NT5DC3: variants seen among roughly 807,000 people sequenced by gnomAD.
NT5DC3 encodes 5'-nucleotidase domain-containing protein 3.
In NT5DC3, 42 loss-of-function variants were observed where a neutral mutation model predicts 67.8. The ratio of observed to expected loss-of-function variants is 0.62; its 90% confidence interval spans 0.48 to 0.80. The LOEUF (loss-of-function observed/expected upper bound fraction) is 0.80. Among genes scored for constraint, NT5DC3 ranks in the 30% least tolerant of loss-of-function variants. NT5DC3 has a pLI of 0.00. For missense variants in NT5DC3, 570 were observed against 696.4 expected (o/e 0.82, Z 2.04); for synonymous variants, 237 against 255.6 (o/e 0.93, Z 0.69).
the NT5DC3 span, among the ~76,000 whole-genome samples, chr12:103,762,630 G>T: frequency 6.6e-6 from 1 of 152,326 alleles, no homozygotes; most frequent in Non-Finnish European, 1.5e-5. Context: ...GGCTGAGACA[G>T]GGCTTGGCAA....
chr12:103,780,420 G>T, intron 12 of NT5DC3, 56 bp from the exon 13 acceptor site: 1 of 1,521,382 alleles, frequency 6.6e-7, no homozygotes, highest in South Asian at 1.1e-5. Flanking sequence ...AGCTCATTAC[G>T]TAATGAGAAT....
chr12:103,817,035 C>CAAAAAAAA (rs1887290824), intron 1 of NT5DC3, among the ~76,000 whole-genome samples: 1 of 113,000 alleles, frequency 8.8e-6, no homozygotes, highest in African/African-American at 3.2e-5. Context: ...TCCATAACAG[C>CAAAAAAAA]AAAAAGAAAA....
rs1885291410 is a variant in NT5DC3 at position 103,774,855 on chromosome 12, C to T, written c.*2974G>A. 6.6e-6 allele frequency: 1 copy of T among 151,076 alleles called. No homozygotes were observed. The highest frequency in any genetic ancestry group is 1.5e-5 in the Non-Finnish European group (1 of 67,798). The allele number at this position is 151,076 out of a possible 1,614,324, so 9.4% of individuals were successfully genotyped here. ...TGAAACCCCATCTCTATTAAAACTA[C>T]AAAACTTGGCCAGGCCTGGTGGCAT... On this transcript the variant is annotated 3_prime_UTR_variant, in exon 14 of 14. Coordinates refer to ENST00000392876, the MANE Select transcript of NT5DC3 (RefSeq NM_001031701.3).
intron 2 of NT5DC3, among the ~76,000 whole-genome samples, chr12:103,811,436 G>A (rs946736935): frequency 6.6e-6 from 1 of 152,022 alleles, no homozygotes; most frequent in Non-Finnish European, 1.5e-5. Flanking sequence ...ACTATGATGG[G>A]ATGAAAACCA....
the NT5DC3 span, among the ~76,000 whole-genome samples, chr12:103,758,890 C>T: frequency 6.6e-6 from 1 of 152,186 alleles, no homozygotes; most frequent in African/African-American, 2.4e-5. Context: ...CCTCAAGACA[C>T]CGCTGGAAAG....
intron 11 of NT5DC3, among the ~76,000 whole-genome samples, chr12:103,787,237 C>T (rs1308289773): frequency 6.7e-6 from 1 of 148,468 alleles, no homozygotes; most frequent in East Asian, 2.0e-4. Flanking sequence ...TTTTTCACAA[C>T]TCTGATCCAT....
At chr12:103,778,120 T>A in intron 13 of NT5DC3, 39 bp from the exon 14 acceptor site, 1 of 1,548,614 alleles carries the variant, frequency 6.5e-7, no homozygotes. Context: ...CAGAGAATGA[T>A]TCAAAAATCC....
chr12:103,787,517 T>C lies in NT5DC3; in HGVS notation c.1112A>G (p.Tyr371Cys), dbSNP rs765994837. The change falls in exon 11 of 14, where the codon TAT (tyrosine) becomes TGT (cysteine). Residue 371 changes from tyrosine to cysteine, a missense_variant. Tyr to Cys is a radical substitution (Grantham distance 194). Around this residue, in one of 2 missense-constraint regions of NT5DC3, gnomAD observed 466 missense variants for 608.0 expected, o/e 0.77. Coordinates refer to ENST00000392876, the MANE Select transcript of NT5DC3 (RefSeq NM_001031701.3). ...CCATCCAGTAAGCTTCAAAAATTCATATAAATTACCCTGTAATCAGAGAAA... is the reference window on the plus strand; with the variant it reads ...CCATCCAGTAAGCTTCAAAAATTCACATAAATTACCCTGTAATCAGAGAAA... ...KGQIYKQGNL[Y>C]EFLKLTGWRG... is the part of the protein sequence containing the mutation. 1.3e-6 allele frequency: 2 copies of C among 1,585,668 alleles called. No individual in the cohort carries two copies. The highest frequency in any genetic ancestry group is 2.2e-5 in the East Asian group (1 of 44,610).
In NT5DC3 at chr12:103,841,069, C is replaced by G. The variant is rs900660383; in HGVS notation, c.88G>C (p.Ala30Pro). 4.7e-5 allele frequency: 59 copies of G among 1,262,484 alleles called. No individual in the cohort carries two copies. The highest frequency in any genetic ancestry group is 5.9e-5 in the Non-Finnish European group (59 of 1,007,142). 78.2% of individuals were successfully genotyped at this position (1,262,484 alleles called of 1,614,324 possible). Residue 30 changes from alanine to proline, a missense_variant, in exon 1 of 14, where the codon GCG becomes CCG. Physicochemically the swap from Ala to Pro is conservative, Grantham distance 27. This residue lies in a region of NT5DC3 where 104 missense variants were observed against 88.4 expected (regional missense o/e 1.18). Coordinates refer to ENST00000392876, the MANE Select transcript of NT5DC3 (RefSeq NM_001031701.3). ...CCCGCACACGGCCGCCCCCGAGCCG[C>G]GGTCCCGCAGCCACCCCGCAAAGCC... The part of the protein sequence containing the change: ...AAALRGGCGT[A>P]ARGRPCAGPA...
intron 1 of NT5DC3, among the ~76,000 whole-genome samples, chr12:103,833,838 C>T (rs1309810875): frequency 6.6e-6 from 1 of 152,098 alleles, no homozygotes; most frequent in Non-Finnish European, 1.5e-5. Context: ...GATGAGCACA[C>T]CTGGAAGGCC....
the NT5DC3 span, chr12:103,759,116 T>C: frequency 5.6e-6 from 9 of 1,614,002 alleles, no homozygotes; most frequent in African/African-American, 6.7e-5. Context: ...CATTCTGTGT[T>C]TCTCCTTTTT....
chr12:103,786,106 A>C (rs1274500089), intron 11 of NT5DC3, among the ~76,000 whole-genome samples: 1 of 152,156 alleles, frequency 6.6e-6, no homozygotes, highest in Non-Finnish European at 1.5e-5. Context: ...AATACTGAGG[A>C]TAAAACAATG....
chr12:103,749,120 G>T, the NT5DC3 span: 2 of 1,610,008 alleles, frequency 1.2e-6, no homozygotes, highest in Non-Finnish European at 1.7e-6. Context: ...TTAACGGAGG[G>T]TGTCACGAGC....
At chr12:103,812,188 G>A (rs1272076159) in intron 2 of NT5DC3, among the ~76,000 whole-genome samples, 1 of 152,140 alleles carries the variant, frequency 6.6e-6, no homozygotes, top group African/African-American at 2.4e-5. Context: ...TTTTTGGAGA[G>A]ATACTAAATT....
intron 12 of NT5DC3, among the ~76,000 whole-genome samples, chr12:103,784,359 A>G (rs1023858127): frequency 3.3e-5 from 5 of 152,208 alleles, no homozygotes; most frequent in African/African-American, 1.2e-4. Flanking sequence ...GCCCAGGGGG[A>G]CGTGCAGGGC....
chr12:103,764,227 A>G, the NT5DC3 span, among the ~76,000 whole-genome samples: 1 of 152,254 alleles, frequency 6.6e-6, no homozygotes, highest in African/African-American at 2.4e-5. Flanking sequence ...TGCTGGGATT[A>G]CAGGCGTGAG....
rs1487610966 is a variant in NT5DC3 at position 103,777,793 on chromosome 12, T to C, written c.*36A>G. On this transcript the variant is annotated 3_prime_UTR_variant, in exon 14 of 14. Transcript: ENST00000392876. ...AGTCAACCCCATCATGCCTGCCCAA[T>C]CAGGGGCAGTTACAGTTTCTAGTTT... The C allele has an allele frequency of 6.3e-7, 1 of 1,583,180 alleles. No individual in the cohort carries two copies.
At chr12:103,769,838 G>T (rs1016260948), downstream of NT5DC3, among the ~76,000 whole-genome samples, 1 of 152,254 alleles carries the variant, frequency 6.6e-6, no homozygotes, top group Non-Finnish European at 1.5e-5. Flanking sequence ...GTGTTAGCTT[G>T]TTAATTGCTA....
intron 1 of NT5DC3, among the ~76,000 whole-genome samples, chr12:103,837,822 G>T (rs1025633523): frequency 7.9e-5 from 12 of 152,076 alleles, no homozygotes; most frequent in Non-Finnish European, 1.0e-4. Flanking sequence ...ACATTTTCTT[G>T]TCTTCTTCTG....
Sources: gnomAD v4.1 joint callset for allele counts (sites outside exome capture counted in the v4.1 genomes callset) on GRCh38, gnomAD v4.1.1 for gene constraint, gnomAD v4.1.1 regional missense constraint, MANE v1.5 for transcripts, NCBI Gene and HGNC (gene_info 2026-07-23, HGNC 2026-07-21) for gene names.